HPCAL1: variants seen among roughly 807,000 people sequenced by gnomAD.
HPCAL1 encodes hippocalcin like 1, also known as hippocalcin-like protein 1.
In HPCAL1, 8 loss-of-function variants were observed where a neutral mutation model predicts 17.1. The observed-to-expected ratio is 0.47, with a 90% CI of 0.27 to 0.84. The LOEUF is 0.84. Among genes scored for constraint, HPCAL1 ranks in the 40% least tolerant of loss-of-function variants. HPCAL1 has a pLI of 0.13. For missense variants in HPCAL1, 165 were observed against 271.1 expected, an observed-to-expected ratio of 0.61 and a Z score of 2.75; for synonymous variants, 112 against 111.4, an observed-to-expected ratio of 1.01 and a Z score of -0.03.
intron 1 of HPCAL1, among the ~76,000 whole-genome samples, chr2:10,328,900 C>T (rs376747403): frequency 6.6e-6 from 1 of 152,026 alleles, no homozygotes; most frequent in East Asian, 1.9e-4. Context: ...ACCCCACCCC[C>T]ACTCCCTTCC....
Position 10,354,050 on chromosome 2 carries a change from T to G in HPCAL1, c.-110-42785T>G, listed in dbSNP as rs1665991378. On this transcript the variant is annotated intron_variant, in intron 1 of 4. Coordinates refer to ENST00000307845, the MANE Select transcript of HPCAL1 (RefSeq NM_002149.4). The surrounding 1 kb of genome is among the most constrained non-coding windows in gnomAD (Gnocchi z 5.1). ...TCTTTTTTACTGTGGTTTTGTGATG[T>G]GATCTGTCATCTCCTCTGGGCTTGC... Among the ~76,000 whole-genome samples the G allele has an allele frequency of 1.3e-5, 2 of 152,198 alleles. No homozygotes were observed. The highest frequency in any genetic ancestry group is 4.8e-5 in the African/African-American group (2 of 41,448).
At chr2:10,413,142 C>T (rs557166815) in intron 2 of HPCAL1, among the ~76,000 whole-genome samples, 1 of 152,304 alleles carries the variant, frequency 6.6e-6, no homozygotes, top group South Asian at 2.1e-4. Flanking sequence ...GGTTGCTGCT[C>T]TGGTCTGTGC....
At chr2:10,361,995 G>T (rs1666554747) in intron 1 of HPCAL1, among the ~76,000 whole-genome samples, 1 of 152,184 alleles carries the variant, frequency 6.6e-6, no homozygotes, top group Non-Finnish European at 1.5e-5. Context: ...GGCATGAGCT[G>T]CCATGTGTGG....
At chr2:10,360,931 T>C (rs953978096) in intron 1 of HPCAL1, among the ~76,000 whole-genome samples, 3 of 151,424 alleles carry the variant, frequency 2.0e-5, no homozygotes, top group African/African-American at 7.3e-5. Context: ...GTTCTGAATA[T>C]GCTTTTGTTT....
intron 2 of HPCAL1, among the ~76,000 whole-genome samples, chr2:10,406,522 C>G (rs1669979615): frequency 6.6e-6 from 1 of 152,266 alleles, no homozygotes; most frequent in Admixed American, 6.5e-5. Context: ...GGAACCAGTC[C>G]AGAGACTCCA....
chr2:10,329,440 C>T (rs577510813), intron 1 of HPCAL1, among the ~76,000 whole-genome samples: 32 of 152,212 alleles, frequency 2.1e-4, no homozygotes, highest in African/African-American at 2.9e-4. Context: ...TGGAAGAAGA[C>T]GCAGAGATGA....
In HPCAL1 at chr2:10,419,572, T is replaced by C. The variant is rs916317556; in HGVS notation, c.-24-162T>C. ...ATATAATTAGAGTCTCTTGGCCTTC[T>C]TGGTGGTCCATAAGATAGCGGCATG... is the stretch of plus-strand genomic sequence containing the variant. On this transcript the variant is annotated intron_variant, in intron 2 of 4. Coordinates refer to ENST00000307845, the MANE Select transcript of HPCAL1 (RefSeq NM_002149.4). The surrounding 1 kb of genome is among the most constrained non-coding windows in gnomAD (Gnocchi z 5.0). 6.6e-6 allele frequency among the ~76,000 whole-genome samples: 1 copy of C among 152,070 alleles called. No individual in the cohort carries two copies.
chr2:10,393,728 C>T (rs1668842297), intron 1 of HPCAL1, among the ~76,000 whole-genome samples: 1 of 152,172 alleles, frequency 6.6e-6, no homozygotes, highest in African/African-American at 2.4e-5. Context: ...AGCGTGCCAG[C>T]AGGCTTGTGC....
intron 1 of HPCAL1, among the ~76,000 whole-genome samples, chr2:10,357,645 G>T (rs903105751): frequency 1.3e-5 from 2 of 152,306 alleles, no homozygotes; most frequent in Admixed American, 6.5e-5. Context: ...CGATGTTCTT[G>T]TAAATATCAC....
chr2:10,341,476 TG>T (rs941578438), intron 1 of HPCAL1, among the ~76,000 whole-genome samples: 13 of 150,954 alleles, frequency 8.6e-5, no homozygotes. Context: ...AACAACAAAT[TG>T]TGGCACAAAT....
intron 2 of HPCAL1, among the ~76,000 whole-genome samples, chr2:10,408,220 A>C (rs546403620): frequency 4.6e-5 from 7 of 152,180 alleles, no homozygotes; most frequent in Non-Finnish European, 8.8e-5. Context: ...GTGGAAAAGA[A>C]GGAGAGATTG....
At chr2:10,329,934 G>T (rs992098763) in intron 1 of HPCAL1, among the ~76,000 whole-genome samples, 1 of 152,234 alleles carries the variant, frequency 6.6e-6, no homozygotes, top group Admixed American at 6.5e-5. Flanking sequence ...GGGGATGCAG[G>T]CCGAGGCCAT....
rs112090739 is a variant in HPCAL1, at chr2:10,354,570, C to T, written c.-110-42265C>T. ...CAGAAGCAGAGCTCCCAGGGCTCATCGCACAGCCATGGCCGAGGTGTCGGG... is the reference window on the plus strand; with the variant it reads ...CAGAAGCAGAGCTCCCAGGGCTCATTGCACAGCCATGGCCGAGGTGTCGGG... On this transcript the variant is annotated intron_variant, in intron 1 of 4. Coordinates refer to ENST00000307845, the MANE Select transcript of HPCAL1 (RefSeq NM_002149.4). The surrounding 1 kb of genome is among the most constrained non-coding windows in gnomAD (Gnocchi z 5.1). Among the ~76,000 whole-genome samples, 151 of 152,324 alleles carry T rather than the reference C, an allele frequency of 9.9e-4. 1 individual carries two copies. The highest frequency in any genetic ancestry group is 3.4e-3 in the African/African-American group (142 of 41,576).
At position 10,410,643 on chromosome 2, in the gene HPCAL1, C is replaced by T. The variant is rs552904827; in HGVS notation, c.-24-9091C>T. On this transcript the variant is annotated intron_variant, in intron 2 of 4. Transcript: ENST00000307845. The stretch of plus-strand genomic sequence containing the variant: ...TGCTTGAATATGAATCTTTTTAAGC[C>T]GAGCAGGAGATGGTTCTGCTCTCAA... Among the ~76,000 whole-genome samples, 26 of 151,952 alleles carry T rather than the reference C, an allele frequency of 1.7e-4. No individual in the cohort carries two copies. In the South Asian group the frequency reaches 5.2e-3, roughly 30 times the overall value.
In HPCAL1 at chr2:10,359,119, C is replaced by T. The variant is rs946965134; in HGVS notation, c.-110-37716C>T. 6.6e-6 allele frequency among the ~76,000 whole-genome samples: 1 copy of T among 151,136 alleles called. No individual in the cohort carries two copies. The highest frequency in any genetic ancestry group is 1.5e-5 in the Non-Finnish European group (1 of 67,850). ...TTTGAGCAGCGGGACACTGACGAAG[C>T]GAGCCATACCCCCATCACATGCCCT... On this transcript the variant is annotated intron_variant, in intron 1 of 4. Transcript: ENST00000307845. The surrounding 1 kb of genome is among the most constrained non-coding windows in gnomAD (Gnocchi z 4.1).
intron 1 of HPCAL1, among the ~76,000 whole-genome samples, chr2:10,318,610 C>T (rs950260508): frequency 2.0e-5 from 3 of 152,130 alleles, no homozygotes; most frequent in Non-Finnish European, 2.9e-5. Flanking sequence ...GGTGATTGGC[C>T]GGGTGGGCTC....
chr2:10,410,386 C>T (rs1670271858), intron 2 of HPCAL1, among the ~76,000 whole-genome samples: 1 of 151,772 alleles, frequency 6.6e-6, no homozygotes, highest in Admixed American at 6.6e-5. Context: ...CACAGGGCTC[C>T]CCAGCTGCAT....
At chr2:10,327,885 G>C (rs1473027878) in intron 1 of HPCAL1, among the ~76,000 whole-genome samples, 1 of 152,218 alleles carries the variant, frequency 6.6e-6, no homozygotes, top group Non-Finnish European at 1.5e-5. Context: ...TTCATAAGTG[G>C]GTGATTTATG....
At chr2:10,313,292 G>A (rs576802338) in intron 1 of HPCAL1, among the ~76,000 whole-genome samples, 14 of 152,306 alleles carry the variant, frequency 9.2e-5, no homozygotes, top group African/African-American at 3.1e-4. Flanking sequence ...CTCTCCCAGG[G>A]TGGTAGGCCA....
Sources: allele counts gnomAD v4.1 joint callset (sites outside exome capture counted in the v4.1 genomes callset), GRCh38; gene constraint gnomAD v4.1.1; non-coding constraint Gnocchi (gnomAD v3.1); transcripts MANE v1.5; gene names NCBI Gene and HGNC (gene_info 2026-07-23, HGNC 2026-07-21).